The following CCDC150 variants were observed in gnomAD, a reference collection of about 807,000 sequenced individuals.
CCDC150 encodes the protein coiled-coil domain-containing protein 150.
A neutral mutation model predicts 156.5 loss-of-function variants in CCDC150; 151 were observed. That is an observed-to-expected ratio of 0.97 (90% CI 0.85 to 1.10). CCDC150 has a LOEUF of 1.10. Ranked by LOEUF, CCDC150 falls within the 50% of genes least tolerant of loss-of-function variation. The probability of loss-of-function intolerance (pLI) is 0.00; values close to 1 mark genes in which losing one functional copy is unlikely to be tolerated. For synonymous variants in CCDC150, 452 were observed against 429.4 expected, an observed-to-expected ratio of 1.05 and a Z score of -0.65; for missense variants, 1,312 against 1,268.1, an observed-to-expected ratio of 1.03 and a Z score of -0.53.
At chr2:196,672,848 T>C (rs1428744941) in intron 9 of CCDC150, among the ~76,000 whole-genome samples, 1 of 152,206 alleles carries the variant, frequency 6.6e-6, no homozygotes, top group East Asian at 1.9e-4. Flanking sequence ...TTGCTGGATT[T>C]TGAAGTTAGA....
At chr2:196,703,089 A>G (rs933905152) in intron 15 of CCDC150, among the ~76,000 whole-genome samples, 2 of 152,226 alleles carry the variant, frequency 1.3e-5, no homozygotes, top group Non-Finnish European at 2.9e-5. Flanking sequence ...TCAACATTTA[A>G]TTACATCAGC....
chr2:196,703,355 A>C (rs773906849), intron 15 of CCDC150, among the ~76,000 whole-genome samples: 1 of 152,194 alleles, frequency 6.6e-6, no homozygotes. Context: ...AAAGAACTAC[A>C]ATAAAAAGAA....
At chr2:196,653,135 T>A (rs1325087071) in intron 2 of CCDC150, among the ~76,000 whole-genome samples, 1 of 152,254 alleles carries the variant, frequency 6.6e-6, no homozygotes, top group Non-Finnish European at 1.5e-5. Flanking sequence ...GCGTTGGCTA[T>A]TAGCATTTGG....
chr2:196,729,582 T>A, intron 23 of CCDC150, 195 bp downstream of exon 23: 1 of 665,550 alleles, frequency 1.5e-6, no homozygotes, highest in Non-Finnish European at 2.6e-6. Flanking sequence ...TTGCTGCCAG[T>A]GTCACATTCC....
rs917770326 is a variant in CCDC150, at chr2:196,732,123, C to G, written c.3160C>G (p.Pro1054Ala). Residue 1054 changes from proline to alanine, a missense_variant, in exon 27 of 28, where the codon CCT becomes GCT. Physicochemically the swap from Pro to Ala is conservative, Grantham distance 27. Coordinates refer to ENST00000389175, the MANE Select transcript of CCDC150 (RefSeq NM_001080539.2). The stretch of plus-strand genomic sequence containing the variant: ...GCTGACAAAAAACCGGTTGCAGAGG[C>G]CTTCTGGGGAAGACAGGTGGCAGGA... ...LELTKNRLQR[P>A]SGEDRWQEKD... is the part of the protein sequence containing the mutation. 1.2e-6 allele frequency: 2 copies of G among 1,613,726 alleles called. No homozygotes were observed. The highest frequency in any genetic ancestry group is 2.7e-5 in the African/African-American group (2 of 74,912).
At chr2:196,659,002 A>T in intron 5 of CCDC150, 142 bp downstream of exon 5, 1 of 617,456 alleles carries the variant, frequency 1.6e-6, no homozygotes, top group South Asian at 2.2e-5. Flanking sequence ...GCCACATTGA[A>T]TTCAAGTGAA....
chr2:196,674,525 C>G (rs1366368017), intron 10 of CCDC150, among the ~76,000 whole-genome samples, 177 bp downstream of exon 10: 5 of 152,128 alleles, frequency 3.3e-5, no homozygotes, highest in Non-Finnish European at 7.4e-5. Flanking sequence ...TGGCCTTACA[C>G]TCAGGGCTTT....
chr2:196,654,480 A>G (rs1304432005), intron 2 of CCDC150, among the ~76,000 whole-genome samples: 1 of 150,538 alleles, frequency 6.6e-6, no homozygotes, highest in East Asian at 2.0e-4. Context: ...ATTTTCAGTT[A>G]CCTGTCATCA....
At chr2:196,701,906 C>A (rs1365193599) in intron 15 of CCDC150, among the ~76,000 whole-genome samples, 1 of 152,044 alleles carries the variant, frequency 6.6e-6, no homozygotes, top group East Asian at 1.9e-4. Flanking sequence ...AAAATTCTTT[C>A]CATTTTTCTA....
chr2:196,649,224 A>G (rs773187410), intron 2 of CCDC150, among the ~76,000 whole-genome samples: 44 of 152,334 alleles, frequency 2.9e-4, no homozygotes, highest in Non-Finnish European at 4.6e-4. Context: ...GGCTTTGGGT[A>G]GTATAGACAT....
intron 21 of CCDC150, among the ~76,000 whole-genome samples, chr2:196,723,161 G>C (rs1357084697): frequency 6.6e-6 from 1 of 152,126 alleles, no homozygotes; most frequent in Non-Finnish European, 1.5e-5. Flanking sequence ...TAGAAATGCA[G>C]GCTTAGTTCT....
Position 196,732,739 on chromosome 2 carries a change from T to G in CCDC150, c.*177T>G. On this transcript the variant is annotated 3_prime_UTR_variant, in exon 28 of 28. Coordinates refer to ENST00000389175, the MANE Select transcript of CCDC150 (RefSeq NM_001080539.2). ...TCTTATATCAGTACAAAACTACCCC[T>G]TTTTTTGTCCCTTTTCACATTTTCC... 2.4e-6 allele frequency: 1 copy of G among 412,164 alleles called. No individual in the cohort carries two copies. The highest frequency in any genetic ancestry group is 4.4e-6 in the Non-Finnish European group (1 of 229,372). 25.5% of individuals were successfully genotyped at this position (412,164 alleles called of 1,614,324 possible).
At chr2:196,707,238 G>C (rs1430547458) in intron 15 of CCDC150, among the ~76,000 whole-genome samples, 1 of 152,162 alleles carries the variant, frequency 6.6e-6, no homozygotes, top group Non-Finnish European at 1.5e-5. Context: ...AGTCTTGGGA[G>C]AGTGTATGTG....
intron 18 of CCDC150, among the ~76,000 whole-genome samples, chr2:196,718,950 G>A (rs985237448): frequency 3.3e-5 from 5 of 152,020 alleles, no homozygotes; most frequent in Middle Eastern, 3.4e-3. Context: ...TTAATGTGGT[G>A]TAAGATTTCT....
At chr2:196,726,220 C>T in intron 22 of CCDC150, 121 bp downstream of exon 22, 1 of 1,131,744 alleles carries the variant, frequency 8.8e-7, no homozygotes, top group Non-Finnish European at 1.2e-6. Context: ...ATCAGCAGGC[C>T]AGATGTAATT....
intron 2 of CCDC150, among the ~76,000 whole-genome samples, chr2:196,652,327 AAAAG>A (rs1202379221): frequency 6.6e-6 from 1 of 152,268 alleles, no homozygotes; most frequent in African/African-American, 2.4e-5. Context: ...CTGTAAGACA[AAAAG>A]AAAGTTATTT....
chr2:196,697,553 T>A (rs188213164), intron 14 of CCDC150, among the ~76,000 whole-genome samples: 296 of 152,306 alleles, frequency 1.9e-3, no homozygotes, highest in African/African-American at 6.9e-3. Context: ...ACTTGAAATT[T>A]AAAAATGAAC....
chr2:196,645,907 T>C (rs1366043870), intron 1 of CCDC150, among the ~76,000 whole-genome samples: 4 of 152,184 alleles, frequency 2.6e-5, no homozygotes, highest in Non-Finnish European at 5.9e-5. Context: ...TAAAAGCCAT[T>C]CCCTCAGCAA....
intron 13 of CCDC150, among the ~76,000 whole-genome samples, chr2:196,683,694 T>C (rs920536104): frequency 6.6e-6 from 1 of 152,050 alleles, no homozygotes; most frequent in South Asian, 2.1e-4. Context: ...ATTTTTATTC[T>C]TATAGGTCTA....
Sources: allele counts gnomAD v4.1 joint callset (sites outside exome capture counted in the v4.1 genomes callset), GRCh38; gene constraint gnomAD v4.1.1; transcripts MANE v1.5; gene names NCBI Gene and HGNC (gene_info 2026-07-23, HGNC 2026-07-21).